Variants in IPO8 observed in about 807,000 individuals in gnomAD.
IPO8 encodes importin 8.
In IPO8, 65 loss-of-function variants were observed where a neutral mutation model predicts 141.2. The observed-to-expected ratio is 0.46, with a 90% CI of 0.38 to 0.57. IPO8 has a LOEUF of 0.57. Among genes scored for constraint, IPO8 ranks in the 20% least tolerant of loss-of-function variants. The pLI, the probability that IPO8 is intolerant of heterozygous loss-of-function variation, is 0.00. For synonymous variants in IPO8, 411 were observed against 420.3 expected, an observed-to-expected ratio of 0.98 and a Z score of 0.27; for missense variants, 980 against 1,246.8, an observed-to-expected ratio of 0.79 and a Z score of 3.22.
intron 22 of IPO8, among the ~76,000 whole-genome samples, chr12:30,634,754 ATGCCCAAATGAGATCATTTC>A (rs941265361): frequency 2.1e-4 from 32 of 152,278 alleles, no homozygotes; most frequent in African/African-American, 7.0e-4. Context: ...GTGCTTAGAA[ATGCCCAAATGAGATCATTTC>A]TGCTAGTAGA....
chr12:30,652,713 T>C (rs2052744991), intron 18 of IPO8, among the ~76,000 whole-genome samples: 1 of 152,102 alleles, frequency 6.6e-6, no homozygotes, highest in Non-Finnish European at 1.5e-5. Context: ...CATAAAATAC[T>C]TATTAAATTA....
At chr12:30,634,017 C>A in intron 23 of IPO8, 66 bp downstream of exon 23, 2 of 1,434,560 alleles carry the variant, frequency 1.4e-6, no homozygotes, top group South Asian at 1.2e-5. Flanking sequence ...AATATCAAAA[C>A]AGGAAGAAAT....
chr12:30,679,216 G>C (rs552420244), intron 5 of IPO8, among the ~76,000 whole-genome samples: 1 of 152,052 alleles, frequency 6.6e-6, no homozygotes. Flanking sequence ...TGTAATAGTG[G>C]CTCCTAATGC....
chr12:30,692,458 G>C (rs2053299633), intron 1 of IPO8, among the ~76,000 whole-genome samples: 1 of 151,938 alleles, frequency 6.6e-6, no homozygotes, highest in African/African-American at 2.4e-5. Context: ...ACTTTACTCA[G>C]AAATAGTTAC....
intron 21 of IPO8, among the ~76,000 whole-genome samples, chr12:30,638,617 T>G (rs2052534153): frequency 6.6e-6 from 1 of 152,272 alleles, no homozygotes; most frequent in Non-Finnish European, 1.5e-5. Context: ...ACACAATCAC[T>G]AATCTGTGTT....
chr12:30,637,907 T>C (rs528299355), intron 21 of IPO8, among the ~76,000 whole-genome samples: 15 of 152,222 alleles, frequency 9.9e-5, no homozygotes, highest in African/African-American at 2.9e-4. Flanking sequence ...TCAATGTGTT[T>C]AAAGTGCGAA....
intron 2 of IPO8, among the ~76,000 whole-genome samples, chr12:30,687,943 C>G (rs1591846818): frequency 6.6e-6 from 1 of 152,236 alleles, no homozygotes; most frequent in East Asian, 1.9e-4. Context: ...AAATGACAGT[C>G]CCACATCTGT....
In IPO8 at chr12:30,665,247, C is replaced by T. The variant is rs1330742385; in HGVS notation, c.1401G>A (p.Leu467=). 2 of 1,594,400 alleles carry T rather than the reference C, an allele frequency of 1.3e-6. No individual in the cohort carries two copies. The highest frequency in any genetic ancestry group is 1.7e-4 in the Middle Eastern group (1 of 6,046). ...FLQNHVFPLL[L]SNLGYLRARS... ...TAGCTCGAAGATATCCCAGGTTAGA[C>T]AATAATAATGGAAATACATGATTTT... is the stretch of plus-strand genomic sequence containing the variant. The change falls in exon 13 of 25, where the codon TTG becomes TTA. Residue 467 remains leucine, a synonymous_variant. Transcript: ENST00000256079.
Position 30,670,944 on chromosome 12 carries a change from C to G in IPO8, c.1044+18G>C. On this transcript the variant is annotated intron_variant, in intron 9 of 24. Transcript: ENST00000256079. ...TTAACCAGAGAATAATTTTGGAGAG[C>G]TGCTCTCTGACACTAACCTGTATGT... 6.3e-7 allele frequency: 1 copy of G among 1,597,344 alleles called. No homozygotes were observed. The highest frequency in any genetic ancestry group is 1.7e-4 in the Middle Eastern group (1 of 5,976).
At chr12:30,682,531 G>GT (rs1303511102) in intron 3 of IPO8, among the ~76,000 whole-genome samples, 1 of 152,040 alleles carries the variant, frequency 6.6e-6, no homozygotes, top group African/African-American at 2.4e-5. Context: ...GCTAAAATAA[G>GT]TTATCTGATA....
chr12:30,642,779 A>T (rs1228999849), intron 20 of IPO8, among the ~76,000 whole-genome samples: 1 of 152,096 alleles, frequency 6.6e-6, no homozygotes, highest in Admixed American at 6.5e-5. Flanking sequence ...CTATAAGATA[A>T]GCCTGGAATA....
At chr12:30,686,475 G>C (rs757700943) in intron 2 of IPO8, 1 of 152,120 alleles carries the variant, frequency 6.6e-6, no homozygotes, top group African/African-American at 2.4e-5. Context: ...AGTCTCTCAA[G>C]TAGTTGGGAA....
intron 21 of IPO8, among the ~76,000 whole-genome samples, chr12:30,639,061 C>A (rs145276587): frequency 1.3e-5 from 2 of 152,064 alleles, no homozygotes; most frequent in African/African-American, 4.8e-5. Context: ...AAATAACAAG[C>A]CTTCTGACTC....
At chr12:30,659,537 C>A (rs1003019449) in intron 16 of IPO8, among the ~76,000 whole-genome samples, 1 of 150,610 alleles carries the variant, frequency 6.6e-6, no homozygotes, top group African/African-American at 2.4e-5. Context: ...CTTCCATTGG[C>A]ACGTCATAAA....
chr12:30,635,130 A>G (rs1487524811), intron 22 of IPO8, among the ~76,000 whole-genome samples: 7 of 152,176 alleles, frequency 4.6e-5, no homozygotes, highest in African/African-American at 1.7e-4. Context: ...TCATAGAAGT[A>G]GAGAATAGAA....
Position 30,632,023 on chromosome 12 carries a change from TG to T in IPO8, c.2900-13del. On this transcript the variant is annotated splice_polypyrimidine_tract_variant and intron_variant, in intron 23 of 24. Transcript: ENST00000256079. ...TCGACTCTGCACAGCTGTTGCATTT[TG>T]GGAGGAAAAGACAGGAGGGTACAGC... The T allele has an allele frequency of 6.3e-7, 1 of 1,594,384 alleles. No individual in the cohort carries two copies. Among genetic ancestry groups the T allele is most frequent in the Non-Finnish European group, 8.6e-7 (1 of 1,165,616 alleles).
intron 22 of IPO8, among the ~76,000 whole-genome samples, chr12:30,634,756 GC>G (rs1018266607): frequency 6.6e-6 from 1 of 151,986 alleles, no homozygotes; most frequent in African/African-American, 2.4e-5. Flanking sequence ...GCTTAGAAAT[GC>G]CCAAATGAGA....
intron 2 of IPO8, among the ~76,000 whole-genome samples, chr12:30,687,324 C>T (rs2053251498): frequency 6.6e-6 from 1 of 152,130 alleles, no homozygotes; most frequent in Non-Finnish European, 1.5e-5. Flanking sequence ...TGCTCTAAGA[C>T]AGTTTTCCTA....
intron 5 of IPO8, 166 bp from the exon 6 acceptor site, chr12:30,676,753 T>C (rs565845248): frequency 7.8e-6 from 6 of 765,192 alleles, no homozygotes; most frequent in East Asian, 2.7e-5. Context: ...TACGACCATA[T>C]AGAACTTAAA....
Sources: gnomAD v4.1 joint callset for allele counts (sites outside exome capture counted in the v4.1 genomes callset) on GRCh38, gnomAD v4.1.1 for gene constraint, MANE v1.5 for transcripts, NCBI Gene and HGNC (gene_info 2026-07-23, HGNC 2026-07-21) for gene names.